AP3S2: variants seen among roughly 807,000 people sequenced by gnomAD.
AP3S2 encodes the protein AP-3 complex subunit sigma-2.
Under a neutral mutation model 23.4 loss-of-function variants are expected in AP3S2, and 22 were observed. The ratio of observed to expected loss-of-function variants is 0.94; its 90% CI spans 0.67 to 1.34. The LOEUF (loss-of-function observed/expected upper bound fraction) is 1.34, where lower values mean the gene tolerates loss of function less well. AP3S2 is among the 40% of genes most tolerant of loss of function. The pLI is 0.00. For missense variants in AP3S2, 241 were observed against 236.9 expected, an observed-to-expected ratio of 1.02 and a Z score of -0.11; for synonymous variants, 86 against 87.1, an observed-to-expected ratio of 0.99 and a Z score of 0.07.
chr15:89,850,034 T>C (rs1332435328), intron 4 of AP3S2, among the ~76,000 whole-genome samples: 14 of 152,214 alleles, frequency 9.2e-5, no homozygotes. Context: ...CTGCATAGTA[T>C]TTCATGGTAA....
intron 3 of AP3S2, among the ~76,000 whole-genome samples, chr15:89,876,293 T>C (rs1021660662): frequency 1.3e-5 from 2 of 151,990 alleles, no homozygotes; most frequent in Non-Finnish European, 2.9e-5. Flanking sequence ...GTGATGCATG[T>C]CTGAGGTCCC....
intron 4 of AP3S2, among the ~76,000 whole-genome samples, chr15:89,866,373 C>T (rs1231727903): frequency 6.6e-6 from 1 of 151,718 alleles, no homozygotes; most frequent in Admixed American, 6.6e-5. Context: ...GTGAGAGGGG[C>T]TGCACCCAAG....
At chr15:89,878,160 G>A (rs768080616) in intron 3 of AP3S2, 81 of 539,046 alleles carry the variant, frequency 1.5e-4, no homozygotes, top group Non-Finnish European at 2.6e-4. Flanking sequence ...CTTGCCACTG[G>A]TACATAATCC....
At chr15:89,852,975 G>A (rs1596195425) in intron 4 of AP3S2, among the ~76,000 whole-genome samples, 1 of 152,196 alleles carries the variant, frequency 6.6e-6, no homozygotes, top group Admixed American at 6.5e-5. Context: ...TTGTACATAA[G>A]AAGGGGCTGC....
intron 4 of AP3S2, among the ~76,000 whole-genome samples, chr15:89,844,551 A>G (rs533495977): frequency 7.3e-5 from 11 of 150,670 alleles, no homozygotes; most frequent in African/African-American, 2.7e-4. Context: ...GTCTTGCTAT[A>G]TTGCTCAGGC....
At chr15:89,890,662 C>T (rs1168578080) in intron 1 of AP3S2, among the ~76,000 whole-genome samples, 2 of 152,166 alleles carry the variant, frequency 1.3e-5, no homozygotes, top group African/African-American at 4.8e-5. Flanking sequence ...GGTCTGGGGA[C>T]CACACTTTGA....
At chr15:89,837,005 G>A (rs1895208416) in intron 5 of AP3S2, among the ~76,000 whole-genome samples, 4 of 152,214 alleles carry the variant, frequency 2.6e-5, no homozygotes, top group African/African-American at 9.7e-5. Flanking sequence ...TGTGCTCTGG[G>A]AAGGCTGAGG....
intron 3 of AP3S2, among the ~76,000 whole-genome samples, chr15:89,887,512 C>T (rs1896727637): frequency 1.3e-5 from 2 of 151,592 alleles, no homozygotes; most frequent in African/African-American, 4.9e-5. Flanking sequence ...GCTGGGATTA[C>T]TGGCACGTGC....
At chr15:89,865,776 T>G (rs1186762794) in intron 4 of AP3S2, 1 of 152,180 alleles carries the variant, frequency 6.6e-6, no homozygotes, top group Non-Finnish European at 1.5e-5. Flanking sequence ...TGACAACATA[T>G]TTCATAAAAG....
At chr15:89,883,558 T>G (rs1004748860) in intron 3 of AP3S2, among the ~76,000 whole-genome samples, 3 of 152,050 alleles carry the variant, frequency 2.0e-5, no homozygotes, top group African/African-American at 7.2e-5. Flanking sequence ...ACCTGATTTT[T>G]TATAGAGACT....
At chr15:89,862,902 T>C (rs1896037857) in intron 4 of AP3S2, among the ~76,000 whole-genome samples, 1 of 152,036 alleles carries the variant, frequency 6.6e-6, no homozygotes, top group African/African-American at 2.4e-5. Flanking sequence ...GCATGAAAAT[T>C]TTTTTTTAAA....
chr15:89,886,256 A>T (rs936273674), intron 3 of AP3S2, among the ~76,000 whole-genome samples: 4 of 152,134 alleles, frequency 2.6e-5, no homozygotes, highest in African/African-American at 9.7e-5. Context: ...AAGGCAGGAG[A>T]ATCGCTTGAA....
At position 89,832,623 on chromosome 15, in the gene AP3S2, G is replaced by C. The variant is rs1895104432; in HGVS notation, c.*2892C>G. ...CCTGCCGCAGCCTCCTGAGTAGCTG[G>C]GACTACAGGTGTCCACTACCACGGC... On this transcript the variant is annotated 3_prime_UTR_variant, in exon 6 of 6. Transcript: ENST00000336418. The C allele has an allele frequency of 6.6e-6, 1 of 151,690 alleles. No individual in the cohort carries two copies. The highest frequency in any genetic ancestry group is 6.6e-5 in the Admixed American group (1 of 15,198). 9.4% of individuals were successfully genotyped at this position (151,690 alleles called of 1,614,324 possible). A position where few individuals can be genotyped will look rare whatever the true frequency, so the allele number is the denominator to read the frequency against.
chr15:89,870,725 C>T (rs1373402621), intron 4 of AP3S2, among the ~76,000 whole-genome samples: 1 of 152,180 alleles, frequency 6.6e-6, no homozygotes, highest in African/African-American at 2.4e-5. Context: ...AATCATCTCT[C>T]TCCAAGGGCC....
At chr15:89,876,191 G>C (rs1466293523) in intron 3 of AP3S2, among the ~76,000 whole-genome samples, 2 of 152,100 alleles carry the variant, frequency 1.3e-5, no homozygotes, top group Non-Finnish European at 2.9e-5. Flanking sequence ...GCCAAGTCAG[G>C]CAGATCACCT....
chr15:89,854,559 G>A (rs1341558242), intron 4 of AP3S2, among the ~76,000 whole-genome samples: 8 of 85,448 alleles, frequency 9.4e-5, no homozygotes, highest in East Asian at 3.8e-4. Context: ...CGCCCCGTCC[G>A]GGAGGGAGGT....
chr15:89,854,600 C>T (rs1895767104), intron 4 of AP3S2, among the ~76,000 whole-genome samples: 6 of 73,006 alleles, frequency 8.2e-5, no homozygotes, highest in African/African-American at 1.7e-4. Flanking sequence ...CCCAGCCAGC[C>T]GCCCTGTCCG....
chr15:89,883,945 C>A (rs746639454), intron 3 of AP3S2: 1 of 152,336 alleles, frequency 6.6e-6, no homozygotes, highest in Non-Finnish European at 1.5e-5. Context: ...TTGGTCATTT[C>A]AGGTTTTGGA....
At chr15:89,870,694 A>G (rs1896298189) in intron 4 of AP3S2, among the ~76,000 whole-genome samples, 1 of 152,210 alleles carries the variant, frequency 6.6e-6, no homozygotes. Flanking sequence ...TGGCTTAGCA[A>G]TGAGCAGCAG....
Sources: allele counts gnomAD v4.1 joint callset (sites outside exome capture counted in the v4.1 genomes callset), GRCh38; gene constraint gnomAD v4.1.1; transcripts MANE v1.5; gene names NCBI Gene and HGNC (gene_info 2026-07-23, HGNC 2026-07-21).